SNTG2: variants seen among roughly 807,000 people sequenced by gnomAD.
SNTG2 encodes gamma-2-syntrophin.
SNTG2 carries 74 observed loss-of-function variants against 70.9 expected under a neutral mutation model. The ratio of observed to expected loss-of-function variants is 1.04; its 90% CI spans 0.86 to 1.27. The LOEUF (loss-of-function observed/expected upper bound fraction) is 1.27, where lower values mean the gene tolerates loss of function less well. Ranked by LOEUF, SNTG2 falls within the 50% of genes most tolerant of loss-of-function variation. The pLI, the probability that SNTG2 is intolerant of heterozygous loss-of-function variation, is 0.00. For synonymous variants in SNTG2, 278 were observed against 273.8 expected (o/e 1.02, Z -0.15); for missense variants, 717 against 690.7 (o/e 1.04, Z -0.43).
intron 16 of SNTG2, among the ~76,000 whole-genome samples, chr2:1,336,438 A>C (rs1474350439): frequency 2.0e-5 from 3 of 151,892 alleles, no homozygotes; most frequent in African/African-American, 4.8e-5. Context: ...TATTATTTTT[A>C]TTGCTGTGCG....
At chr2:1,099,715 G>A (rs1435084310) in intron 4 of SNTG2, among the ~76,000 whole-genome samples, 1 of 151,902 alleles carries the variant, frequency 6.6e-6, no homozygotes, top group Non-Finnish European at 1.5e-5. Context: ...GGTCAGCCAT[G>A]TGTGGTGCAG....
At chr2:1,256,966 T>C (rs1193598899) in intron 12 of SNTG2, among the ~76,000 whole-genome samples, 1 of 151,756 alleles carries the variant, frequency 6.6e-6, no homozygotes, top group African/African-American at 2.4e-5. Context: ...ACTTCTTCTT[T>C]TTTTTTTTTA....
At chr2:1,096,534 G>A (rs938986729) in intron 2 of SNTG2, among the ~76,000 whole-genome samples, 4 of 151,924 alleles carry the variant, frequency 2.6e-5, no homozygotes, top group South Asian at 2.1e-4. Context: ...CTGCTTCTGC[G>A]TTCAACATCC....
chr2:1,047,825 CT>C (rs1357026942), intron 1 of SNTG2, among the ~76,000 whole-genome samples: 1 of 152,082 alleles, frequency 6.6e-6, no homozygotes, highest in Non-Finnish European at 1.5e-5. Context: ...CAGCTTGACA[CT>C]TTTTTTAAAT....
At chr2:1,199,704 A>G (rs904880878) in intron 8 of SNTG2, among the ~76,000 whole-genome samples, 3 of 152,126 alleles carry the variant, frequency 2.0e-5, no homozygotes, top group African/African-American at 7.2e-5. Context: ...CACAAAAACC[A>G]GTAGTATTTC....
chr2:1,164,530 T>A (rs892065338), intron 6 of SNTG2, among the ~76,000 whole-genome samples: 1 of 127,122 alleles, frequency 7.9e-6, no homozygotes, highest in African/African-American at 3.2e-5. Flanking sequence ...CTGCCCAAAC[T>A]GTGGGCAGTC....
rs116676394 is a variant in SNTG2 at position 961,704 on chromosome 2, C to T, written c.72+10636C>T. Among the ~76,000 whole-genome samples the T allele has an allele frequency of 2.7e-3, 417 of 152,256 alleles. 1 individual carries two copies. The highest frequency in any genetic ancestry group is 9.7e-3 in the African/African-American group (401 of 41,550). On this transcript the variant is annotated intron_variant, in intron 1 of 16. Coordinates refer to ENST00000308624, the MANE Select transcript of SNTG2 (RefSeq NM_018968.4). The stretch of plus-strand genomic sequence containing the variant: ...TTTCCGCTATTCTGAAATGTGGGTA[C>T]ATTCCCAGTGAATGGGTCTAAGATA...
chr2:990,142 T>C (rs542734961), intron 1 of SNTG2, among the ~76,000 whole-genome samples: 1 of 152,330 alleles, frequency 6.6e-6, no homozygotes, highest in East Asian at 1.9e-4. Flanking sequence ...CTTCTATTCT[T>C]TACTAAAGGC....
At chr2:1,070,127 A>G (rs1426581509) in intron 1 of SNTG2, among the ~76,000 whole-genome samples, 2 of 152,026 alleles carry the variant, frequency 1.3e-5, no homozygotes, top group African/African-American at 4.8e-5. Flanking sequence ...AATTTCTGCC[A>G]GTCAGTCTGA....
chr2:1,177,253 C>T (rs1158333544), intron 8 of SNTG2, among the ~76,000 whole-genome samples: 1 of 152,130 alleles, frequency 6.6e-6, no homozygotes, highest in Admixed American at 6.5e-5. Flanking sequence ...ACCACATATT[C>T]TCACTTATAA....
intron 9 of SNTG2, among the ~76,000 whole-genome samples, chr2:1,222,419 C>G (rs777588415): frequency 8.5e-5 from 13 of 152,236 alleles, no homozygotes; most frequent in Non-Finnish European, 1.6e-4. Flanking sequence ...CATAGGCTAT[C>G]AGAGTTTGTG....
At chr2:1,221,809 C>A (rs1241434625) in intron 9 of SNTG2, among the ~76,000 whole-genome samples, 6,053 of 6,366 alleles carry the variant, frequency 0.95, 2,956 homozygotes, top group Non-Finnish European at 0.96. Context: ...CTCTGTCTCT[C>A]TCTCGGTCTC....
Position 1,291,987 on chromosome 2 carries a change from A to G in SNTG2, c.1285-16507A>G, listed in dbSNP as rs185619457. 6.0e-4 allele frequency among the ~76,000 whole-genome samples: 92 copies of G among 152,250 alleles called. 1 individual carries two copies. The highest frequency in any genetic ancestry group is 5.2e-3 in the East Asian group (27 of 5,178). The stretch of plus-strand genomic sequence containing the variant: ...ATGAGCACAAGATGTCTTTTCTTCA[A>G]TGGTGTGTTCTTTAATTTTTGTCAT... On this transcript the variant is annotated intron_variant, in intron 14 of 16. Coordinates refer to ENST00000308624, the MANE Select transcript of SNTG2 (RefSeq NM_018968.4).
At chr2:1,357,549 G>C (rs1660917805) in intron 16 of SNTG2, among the ~76,000 whole-genome samples, 1 of 152,126 alleles carries the variant, frequency 6.6e-6, no homozygotes, top group South Asian at 2.1e-4. Context: ...GTTTGGAAGT[G>C]TTCTGTCCTC....
intron 16 of SNTG2, among the ~76,000 whole-genome samples, chr2:1,359,044 T>C (rs1307910459): frequency 6.6e-6 from 1 of 152,188 alleles, no homozygotes; most frequent in Non-Finnish European, 1.5e-5. Context: ...GGAACAGAAG[T>C]ATTTCATTTT....
At chr2:1,089,121 A>G (rs1313514112) in intron 2 of SNTG2, among the ~76,000 whole-genome samples, 1 of 152,254 alleles carries the variant, frequency 6.6e-6, no homozygotes, top group East Asian at 1.9e-4. Context: ...TTCTGAAACA[A>G]TTAACAAAAT....
intron 13 of SNTG2, among the ~76,000 whole-genome samples, chr2:1,259,783 T>C (rs72770614): frequency 0.092 from 14,086 of 152,316 alleles, 717 homozygotes; most frequent in South Asian, 0.15. Flanking sequence ...GCTGCTGTTA[T>C]TGAAATTGTT....
intron 8 of SNTG2, among the ~76,000 whole-genome samples, chr2:1,198,108 A>G (rs1427020131): frequency 6.6e-6 from 1 of 152,188 alleles, no homozygotes; most frequent in Admixed American, 6.6e-5. Flanking sequence ...GGCCACAAAA[A>G]AAAGTGGGAA....
intron 16 of SNTG2, among the ~76,000 whole-genome samples, chr2:1,333,671 A>G (rs755544074): frequency 1.3e-5 from 2 of 152,218 alleles, no homozygotes; most frequent in African/African-American, 2.4e-5. Context: ...AAAGCATACA[A>G]AAACATAAAT....
Sources: allele counts gnomAD v4.1 joint callset (sites outside exome capture counted in the v4.1 genomes callset), GRCh38; gene constraint gnomAD v4.1.1; transcripts MANE v1.5; gene names NCBI Gene and HGNC (gene_info 2026-07-23, HGNC 2026-07-21).